Variants in RIGI observed in about 807,000 individuals in gnomAD.
RIGI encodes the protein antiviral innate immune response receptor RIG-I.
At chr9:32,521,511 C>A in the RIGI span, among the ~76,000 whole-genome samples, 9 of 152,060 alleles carry the variant, frequency 5.9e-5, no homozygotes, top group Non-Finnish European at 1.2e-4. Flanking sequence ...TTTGTGATAT[C>A]AAGTGTCTTA....
the RIGI span, chr9:32,485,531 C>CTTTTT: frequency 0.013 from 4,276 of 322,408 alleles, 2 homozygotes; most frequent in South Asian, 0.015. Context: ...TAACTAGCTT[C>CTTTTT]TTTTTTTTTT....
the RIGI span, among the ~76,000 whole-genome samples, chr9:32,475,763 T>A: frequency 1.9e-4 from 29 of 152,086 alleles, no homozygotes; most frequent in Admixed American, 1.8e-3. Context: ...AAGCAAAGGA[T>A]TTTTAGAGAT....
chr9:32,502,692 T>A, the RIGI span, among the ~76,000 whole-genome samples: 1 of 152,208 alleles, frequency 6.6e-6, no homozygotes, highest in Non-Finnish European at 1.5e-5. Context: ...CTGGGGAGAA[T>A]GCATTCCTTG....
At chr9:32,490,238 G>A in the RIGI span, among the ~76,000 whole-genome samples, 1 of 152,164 alleles carries the variant, frequency 6.6e-6, no homozygotes, top group South Asian at 2.1e-4. Context: ...TTAACCAGAT[G>A]TGGTGGCACA....
chr9:32,458,961 C>G, the RIGI span, among the ~76,000 whole-genome samples: 1 of 147,970 alleles, frequency 6.8e-6, no homozygotes, highest in African/African-American at 2.5e-5. Flanking sequence ...GCGATATCAG[C>G]TCACCGCAAC....
the RIGI span, among the ~76,000 whole-genome samples, chr9:32,520,934 C>T: frequency 1.3e-5 from 2 of 151,934 alleles, no homozygotes; most frequent in East Asian, 3.9e-4. Context: ...TCAGCTGAGG[C>T]CACGAGTTGG....
At chr9:32,474,668 C>T in the RIGI span, among the ~76,000 whole-genome samples, 11 of 152,148 alleles carry the variant, frequency 7.2e-5, no homozygotes, top group African/African-American at 2.4e-4. Flanking sequence ...TGGAAGTTAA[C>T]CTTCCCCAGT....
the RIGI span, among the ~76,000 whole-genome samples, chr9:32,503,647 C>T: frequency 2.0e-4 from 30 of 152,278 alleles, no homozygotes; most frequent in Non-Finnish European, 3.8e-4. Flanking sequence ...ACCTGGCTCA[C>T]GCATGTGTCC....
chr9:32,480,279 T>C, the RIGI span: 1 of 1,611,846 alleles, frequency 6.2e-7, no homozygotes, highest in Non-Finnish European at 8.5e-7. Flanking sequence ...CGGACATTGC[T>C]GAAGAAGTCT....
chr9:32,507,354 C>CA, the RIGI span, among the ~76,000 whole-genome samples: 2 of 152,078 alleles, frequency 1.3e-5, no homozygotes, highest in African/African-American at 4.8e-5. Context: ...CTATATGATA[C>CA]AAAATGGAAA....
chr9:32,466,428 T>C, the RIGI span: 1 of 1,611,400 alleles, frequency 6.2e-7, no homozygotes, highest in Non-Finnish European at 8.5e-7. Flanking sequence ...TGCTACCTCT[T>C]GCTCTTCCTC....
At chr9:32,491,282 G>C in the RIGI span, 2 of 1,612,116 alleles carry the variant, frequency 1.2e-6, no homozygotes, top group African/African-American at 1.3e-5. Context: ...TATGGAAAAG[G>C]ACAAACAATA....
the RIGI span, chr9:32,459,313 CAGTA>C: frequency 3.2e-6 from 5 of 1,564,316 alleles, no homozygotes; most frequent in Non-Finnish European, 4.3e-6. Flanking sequence ...ATTTCACCAA[CAGTA>C]AGCTGTAGCT....
At chr9:32,489,420 A>T in the RIGI span, 1 of 1,613,460 alleles carries the variant, frequency 6.2e-7, no homozygotes, top group East Asian at 2.2e-5. Flanking sequence ...TTCTTGGTTT[A>T]AATGGGCTGT....
chr9:32,481,358 TAAA>T, the RIGI span: 1 of 1,613,434 alleles, frequency 6.2e-7, no homozygotes, highest in South Asian at 1.1e-5. Context: ...GTGAAGTGTA[TAAA>T]AACAGGGCTT....
chr9:32,487,782 T>G, the RIGI span: 1 of 1,260,262 alleles, frequency 7.9e-7, no homozygotes, highest in South Asian at 1.5e-5. Flanking sequence ...TAATGCATAT[T>G]TACTAAGTGA....
the RIGI span, among the ~76,000 whole-genome samples, chr9:32,464,420 T>TAC: frequency 1.3e-5 from 2 of 152,142 alleles, no homozygotes; most frequent in South Asian, 4.1e-4. Context: ...GACGGAGTCT[T>TAC]ACTCTGTTGC....
At chr9:32,459,024 G>T in the RIGI span, among the ~76,000 whole-genome samples, 1 of 151,198 alleles carries the variant, frequency 6.6e-6, no homozygotes, top group Non-Finnish European at 1.5e-5. Context: ...GAGTAACTAA[G>T]ATTACAGCCA....
At chr9:32,504,293 G>T in the RIGI span, among the ~76,000 whole-genome samples, 1 of 151,986 alleles carries the variant, frequency 6.6e-6, no homozygotes, top group Non-Finnish European at 1.5e-5. Context: ...TGCTTTCCAC[G>T]GATGGCAAAA....
Sources: gnomAD v4.1 joint callset for allele counts (sites outside exome capture counted in the v4.1 genomes callset) on GRCh38, gnomAD v4.1.1 for gene constraint, MANE v1.5 for transcripts, NCBI Gene and HGNC (gene_info 2026-07-23, HGNC 2026-07-21) for gene names.